The following HPCAL1 variants were observed in gnomAD, a reference collection of about 807,000 sequenced individuals.
The protein encoded by HPCAL1 is hippocalcin like 1.
A neutral mutation model predicts 17.1 loss-of-function variants in HPCAL1; 8 were observed. That is an observed-to-expected ratio of 0.47 (90% confidence interval 0.27 to 0.84). HPCAL1 has a LOEUF of 0.84. Ranked by LOEUF, HPCAL1 falls within the 40% of genes least tolerant of loss-of-function variation. HPCAL1 has a pLI of 0.13. For synonymous variants in HPCAL1, 112 were observed against 111.4 expected (o/e 1.01, Z -0.03); for missense variants, 165 against 271.1 (o/e 0.61, Z 2.75).
intron 1 of HPCAL1, among the ~76,000 whole-genome samples, chr2:10,312,343 A>G (rs976697425): frequency 5.1e-5 from 5 of 98,850 alleles, no homozygotes; most frequent in Admixed American, 1.1e-4. Context: ...TCATCATCAT[A>G]TCATCCTCAT....
In HPCAL1 at chr2:10,323,505, A is replaced by G. The variant is rs1245546285; in HGVS notation, c.-111+20328A>G. Among the ~76,000 whole-genome samples the G allele has an allele frequency of 2.0e-5, 3 of 152,186 alleles. No individual in the cohort carries two copies. The highest frequency in any genetic ancestry group is 1.9e-4 in the East Asian group (1 of 5,194). ...ACGTTAGGTGGGATTGCTGAAGACA[A>G]TGGGTGACTGAGGCAGTTACAGGTG... is the stretch of plus-strand genomic sequence containing the variant. On this transcript the variant is annotated intron_variant, in intron 1 of 4. Transcript: ENST00000307845. The surrounding 1 kb of genome is among the most constrained non-coding windows in gnomAD (Gnocchi z 4.6).
At chr2:10,393,885 C>G (rs1668849828) in intron 1 of HPCAL1, among the ~76,000 whole-genome samples, 1 of 150,318 alleles carries the variant, frequency 6.7e-6, no homozygotes, top group Non-Finnish European at 1.5e-5. Flanking sequence ...GAGGCCAAGG[C>G]AGGCAGATGG....
At chr2:10,397,205 G>A (rs552196414) in intron 2 of HPCAL1, among the ~76,000 whole-genome samples, 7 of 151,438 alleles carry the variant, frequency 4.6e-5, no homozygotes, top group Admixed American at 2.6e-4. Flanking sequence ...CGTGACCTTC[G>A]GTGCTTCTGT....
chr2:10,400,555 C>T (rs151108574), intron 2 of HPCAL1, among the ~76,000 whole-genome samples: 1,817 of 152,246 alleles, frequency 0.012, 32 homozygotes, highest in African/African-American at 0.04. Context: ...GAAGTGCCCT[C>T]CTAGGCAGAC....
rs1667662964 is a variant in HPCAL1 at position 10,377,690 on chromosome 2, C to A, written c.-110-19145C>A. ...CCTGGCTGAGCATGCACTCTGAGGG[C>A]AGACCCTGGCCGGGCACCAAGATAC... On this transcript the variant is annotated intron_variant, in intron 1 of 4. Coordinates refer to ENST00000307845, the MANE Select transcript of HPCAL1 (RefSeq NM_002149.4). This position sits in a 1 kb window ranked among gnomAD's most constrained non-coding sequence, Gnocchi z 5.9. Among the ~76,000 whole-genome samples, 2 of 152,118 alleles carry A rather than the reference C, an allele frequency of 1.3e-5. No individual in the cohort carries two copies. The highest frequency in any genetic ancestry group is 1.3e-4 in the Admixed American group (2 of 15,264).
chr2:10,381,504 G>T (rs1445213443), intron 1 of HPCAL1, among the ~76,000 whole-genome samples: 6 of 152,192 alleles, frequency 3.9e-5, no homozygotes, highest in Admixed American at 1.3e-4. Context: ...CATCAGGCAG[G>T]ACTACAGGGA....
rs1335870500 is a variant in HPCAL1 at position 10,331,223 on chromosome 2, C to T, written c.-111+28046C>T. On this transcript the variant is annotated intron_variant, in intron 1 of 4. Coordinates refer to ENST00000307845, the MANE Select transcript of HPCAL1 (RefSeq NM_002149.4). This position sits in a 1 kb window ranked among gnomAD's most constrained non-coding sequence, Gnocchi z 5.0. ...TCTCCTGCCTGCCCCCAGGTGCCCCCGGCCCAGCCACAGGGTGCTGGCTGC... is the reference window on the plus strand; with the variant it reads ...TCTCCTGCCTGCCCCCAGGTGCCCCTGGCCCAGCCACAGGGTGCTGGCTGC... 2.6e-5 allele frequency among the ~76,000 whole-genome samples: 4 copies of T among 152,058 alleles called. No homozygotes were observed. Among genetic ancestry groups the T allele is most frequent in the African/African-American group, 9.7e-5 (4 of 41,386 alleles).
At chr2:10,383,750 C>T (rs1198629000) in intron 1 of HPCAL1, among the ~76,000 whole-genome samples, 1 of 151,882 alleles carries the variant, frequency 6.6e-6, no homozygotes, top group South Asian at 2.1e-4. Flanking sequence ...TTTGTCGAGT[C>T]TCCTCACCTC....
At chr2:10,399,640 T>C (rs1478214038) in intron 2 of HPCAL1, among the ~76,000 whole-genome samples, 1 of 149,030 alleles carries the variant, frequency 6.7e-6, no homozygotes, top group East Asian at 2.0e-4. Context: ...GAAGGCACTT[T>C]CCAGCACATT....
At chr2:10,314,772 A>G (rs1011037257) in intron 1 of HPCAL1, among the ~76,000 whole-genome samples, 2 of 152,254 alleles carry the variant, frequency 1.3e-5, no homozygotes, top group African/African-American at 4.8e-5. Context: ...TATTATTTTC[A>G]GACAAAAGTA....
chr2:10,309,186 C>T (rs531929810), intron 1 of HPCAL1, among the ~76,000 whole-genome samples: 10 of 152,086 alleles, frequency 6.6e-5, no homozygotes, highest in Non-Finnish European at 1.3e-4. Flanking sequence ...AGGTACACAC[C>T]ACCATGCCTG....
intron 1 of HPCAL1, among the ~76,000 whole-genome samples, chr2:10,388,281 T>C (rs1419185016): frequency 1.3e-5 from 2 of 152,206 alleles, no homozygotes; most frequent in Non-Finnish European, 2.9e-5. Flanking sequence ...GTTTGTTTTA[T>C]CTTCCTCCTT....
chr2:10,308,148 G>C (rs1030142868), intron 1 of HPCAL1, among the ~76,000 whole-genome samples: 1 of 152,114 alleles, frequency 6.6e-6, no homozygotes, highest in African/African-American at 2.4e-5. Flanking sequence ...TGATACCTGG[G>C]AGAGTTGGGG....
intron 1 of HPCAL1, among the ~76,000 whole-genome samples, chr2:10,375,428 C>A (rs1359423040): frequency 6.6e-6 from 1 of 152,154 alleles, no homozygotes; most frequent in Non-Finnish European, 1.5e-5. Flanking sequence ...AGCAACAGCT[C>A]CCTGTGCATC....
chr2:10,325,379 C>T (rs1663945352), intron 1 of HPCAL1, among the ~76,000 whole-genome samples: 1 of 152,204 alleles, frequency 6.6e-6, no homozygotes. Flanking sequence ...CTGAGGCTAT[C>T]ATTATTTTAC....
intron 1 of HPCAL1, among the ~76,000 whole-genome samples, chr2:10,366,246 AT>A (rs949009815): frequency 4.6e-5 from 7 of 151,686 alleles, no homozygotes; most frequent in African/African-American, 1.2e-4. Context: ...ATTATTATTA[AT>A]TTTTTTTGAG....
chr2:10,401,492 T>C (rs551703354), intron 2 of HPCAL1, among the ~76,000 whole-genome samples: 3 of 152,008 alleles, frequency 2.0e-5, no homozygotes, highest in African/African-American at 4.8e-5. Flanking sequence ...AGAATGTGTC[T>C]GATGGGGCTC....
At chr2:10,399,262 T>TCACCACCAC (rs1558517643) in intron 2 of HPCAL1, among the ~76,000 whole-genome samples, 2 of 14,284 alleles carry the variant, frequency 1.4e-4, no homozygotes, top group African/African-American at 2.9e-4. Context: ...ACCACCACCA[T>TCACCACCAC]CACCACCACC....
At chr2:10,348,434 G>C (rs543732905) in intron 1 of HPCAL1, among the ~76,000 whole-genome samples, 2 of 152,038 alleles carry the variant, frequency 1.3e-5, no homozygotes, top group South Asian at 4.2e-4. Flanking sequence ...GCACGACAGA[G>C]CAAGACTCCA....
Sources: gnomAD v4.1 joint callset for allele counts (sites outside exome capture counted in the v4.1 genomes callset) on GRCh38, gnomAD v4.1.1 for gene constraint, Gnocchi (gnomAD v3.1) non-coding constraint, MANE v1.5 for transcripts, NCBI Gene and HGNC (gene_info 2026-07-23, HGNC 2026-07-21) for gene names.